SGCD: variants seen among roughly 807,000 people sequenced by gnomAD.
SGCD encodes the protein delta-sarcoglycan.
SGCD carries 18 observed loss-of-function variants against 36.6 expected under a neutral mutation model. The ratio of observed to expected loss-of-function variants is 0.49; its 90% CI spans 0.34 to 0.73. The LOEUF (loss-of-function observed/expected upper bound fraction) is 0.73, where lower values mean the gene tolerates loss of function less well. Among genes scored for constraint, SGCD ranks in the 30% least tolerant of loss-of-function variants. The pLI, the probability that SGCD is intolerant of heterozygous loss-of-function variation, is 0.01. For synonymous variants in SGCD, 133 were observed against 130.6 expected, an observed-to-expected ratio of 1.02 and a Z score of -0.12; for missense variants, 387 against 346.7, an observed-to-expected ratio of 1.12 and a Z score of -0.92.
At chr5:156,338,811 G>A (rs1357598813) in intron 2 of SGCD, among the ~76,000 whole-genome samples, 1 of 152,146 alleles carries the variant, frequency 6.6e-6, no homozygotes, top group Non-Finnish European at 1.5e-5. Flanking sequence ...GGTGTTGGTG[G>A]TGGTTGAAGT....
At chr5:155,793,969 A>G in the SGCD span, among the ~76,000 whole-genome samples, 6,722 of 151,166 alleles carry the variant, frequency 0.044, 332 homozygotes, top group African/African-American at 0.12. Context: ...AAAAAAAAAA[A>G]AGAGAGAGAA....
At chr5:156,574,306 C>T (rs776180016) in intron 4 of SGCD, among the ~76,000 whole-genome samples, 4 of 152,176 alleles carry the variant, frequency 2.6e-5, no homozygotes, top group Admixed American at 6.5e-5. Flanking sequence ...CAGAGCTTAG[C>T]AACCATCAGT....
rs79086938 is a variant in SGCD at position 156,648,385 on chromosome 5, A to G, written c.575+849A>G. On this transcript the variant is annotated intron_variant, in intron 7 of 8. Coordinates refer to ENST00000337851, the MANE Select transcript of SGCD (RefSeq NM_000337.6). ...TAGGCACATGTACTTGCATTGCACA[A>G]ATCATATCTACTCTTTCCTGATGCA... Among the ~76,000 whole-genome samples, 90 of 152,236 alleles carry G rather than the reference A, an allele frequency of 5.9e-4. No homozygotes were observed. The East Asian group carries it at 0.016, about 27-fold the overall frequency.
rs190359772 is a variant in SGCD at position 156,538,005 on chromosome 5, G to T, written c.294+29303G>T. On this transcript the variant is annotated intron_variant, in intron 4 of 8. Coordinates refer to ENST00000337851, the MANE Select transcript of SGCD (RefSeq NM_000337.6). ...CTTGCAGCCAGATTTCTATGGGCCC[G>T]TTCTGGTGGTTCGGGTAGAGCTTTC... Among the ~76,000 whole-genome samples, 686 of 151,988 alleles carry T rather than the reference G, an allele frequency of 4.5e-3. 4 individuals carry two copies. The highest frequency in any genetic ancestry group is 0.014 in the African/African-American group (570 of 41,454).
rs1193320278 is a variant in SGCD at position 155,998,090 on chromosome 5, ACAGGCATTGCCT to A, written c.-281-119777_-281-119766del. On this transcript the variant is annotated intron_variant, in intron 1 of 9. Coordinates refer to the SGCD transcript ENST00000517913. ...CTCTACTGTCTAGTGTGTTACAATG[ACAGGCATTGCCT>A]CAGGCATTGCAGATGCTGGATGCTT... Among the ~76,000 whole-genome samples, 6 of 152,372 alleles carry A rather than the reference ACAGGCATTGCCT, an allele frequency of 3.9e-5. No individual in the cohort carries two copies. The East Asian group carries it at 1.2e-3, about 29-fold the overall frequency.
chr5:156,240,622 A>ACT (rs1165999349), intron 3 of SGCD, among the ~76,000 whole-genome samples: 3 of 152,170 alleles, frequency 2.0e-5, no homozygotes, highest in African/African-American at 7.2e-5. Flanking sequence ...TCAGATAAGA[A>ACT]CTGAAATTGA....
the SGCD span, among the ~76,000 whole-genome samples, chr5:155,797,497 G>T: frequency 1.3e-5 from 2 of 152,124 alleles, no homozygotes; most frequent in African/African-American, 2.4e-5. Flanking sequence ...TAGGAAAAAA[G>T]GCCAATAGAA....
intron 1 of SGCD, among the ~76,000 whole-genome samples, chr5:156,101,233 A>G (rs1761508787): frequency 6.6e-6 from 1 of 152,218 alleles, no homozygotes; most frequent in Non-Finnish European, 1.5e-5. Context: ...GAGGAAAAGC[A>G]CTGAACACTA....
At chr5:156,005,189 C>T (rs1042892583) in intron 1 of SGCD, among the ~76,000 whole-genome samples, 2 of 152,170 alleles carry the variant, frequency 1.3e-5, no homozygotes, top group Non-Finnish European at 2.9e-5. Flanking sequence ...ACACTGAAAA[C>T]ATCTGAAACA....
At chr5:155,949,192 C>A (rs776397606) in intron 1 of SGCD, among the ~76,000 whole-genome samples, 11 of 152,158 alleles carry the variant, frequency 7.2e-5, no homozygotes, top group Non-Finnish European at 1.0e-4. Context: ...AACCAATATC[C>A]CTTTTCTAAT....
chr5:156,537,366 A>G (rs1022510422), intron 4 of SGCD, among the ~76,000 whole-genome samples: 4 of 151,504 alleles, frequency 2.6e-5, no homozygotes, highest in African/African-American at 4.8e-5. Context: ...TGGGAAGTCT[A>G]TGGTGACTTT....
chr5:156,218,224 C>T (rs1764625116), intron 3 of SGCD, among the ~76,000 whole-genome samples: 1 of 151,952 alleles, frequency 6.6e-6, no homozygotes, highest in Admixed American at 6.6e-5. Flanking sequence ...TGCACTCCAG[C>T]CTGGGCAACA....
intron 1 of SGCD, among the ~76,000 whole-genome samples, chr5:156,061,317 C>T (rs1760201260): frequency 6.9e-6 from 1 of 145,700 alleles, no homozygotes; most frequent in African/African-American, 2.5e-5. Context: ...CAAAACAAAA[C>T]AGAGCTAGAC....
intron 1 of SGCD, among the ~76,000 whole-genome samples, chr5:155,895,807 A>G (rs2113326861): frequency 1.3e-5 from 2 of 152,332 alleles, no homozygotes; most frequent in Middle Eastern, 3.4e-3. Context: ...GCAGGAGCAC[A>G]TTGCAAGGAA....
intron 7 of SGCD, among the ~76,000 whole-genome samples, chr5:156,718,228 A>G (rs17053831): frequency 0.074 from 11,220 of 152,204 alleles, 463 homozygotes; most frequent in African/African-American, 0.11. Context: ...GAGGCCTGAC[A>G]TAAGTACTAT....
intron 3 of SGCD, among the ~76,000 whole-genome samples, chr5:156,266,602 T>C (rs991664784): frequency 1.3e-5 from 2 of 152,076 alleles, no homozygotes; most frequent in Non-Finnish European, 2.9e-5. Context: ...CCTGCCTTAG[T>C]CTCCCAAATA....
intron 6 of SGCD, among the ~76,000 whole-genome samples, chr5:156,629,507 G>A (rs1440506334): frequency 1.3e-5 from 2 of 152,162 alleles, no homozygotes; most frequent in Admixed American, 6.5e-5. Context: ...ATGTAAACAA[G>A]TTGATTGGCC....
At chr5:156,251,933 T>G (rs1581196665) in intron 3 of SGCD, among the ~76,000 whole-genome samples, 1 of 152,232 alleles carries the variant, frequency 6.6e-6, no homozygotes. Flanking sequence ...CTTAACTTTT[T>G]CTCTAAAAAG....
At chr5:156,285,293 T>C (rs999628181) in intron 3 of SGCD, among the ~76,000 whole-genome samples, 1 of 152,122 alleles carries the variant, frequency 6.6e-6, no homozygotes, top group Non-Finnish European at 1.5e-5. Flanking sequence ...AAGCTACCAA[T>C]GACTTTTTTC....
Sources: allele counts gnomAD v4.1 joint callset (sites outside exome capture counted in the v4.1 genomes callset), GRCh38; gene constraint gnomAD v4.1.1; transcripts MANE v1.5; gene names NCBI Gene and HGNC (gene_info 2026-07-23, HGNC 2026-07-21).